Variants in RUBCNL observed in about 807,000 individuals in gnomAD.
RUBCNL encodes the protein protein associated with UVRAG as autophagy enhancer.
Under a neutral mutation model 69.5 loss-of-function variants are expected in RUBCNL, and 62 were observed. That is an observed-to-expected ratio of 0.89 (90% confidence interval 0.73 to 1.10). RUBCNL has a LOEUF of 1.10. Ranked by LOEUF, RUBCNL falls within the 50% of genes least tolerant of loss-of-function variation. The probability of loss-of-function intolerance (pLI) is 0.00; values close to 1 mark genes in which losing one functional copy is unlikely to be tolerated. For synonymous variants in RUBCNL, 291 were observed against 303.6 expected (o/e 0.96, Z 0.43); for missense variants, 768 against 798.1 (o/e 0.96, Z 0.45).
chr13:46,384,504 A>G (rs1413091520), intron 1 of RUBCNL, among the ~76,000 whole-genome samples: 1 of 152,198 alleles, frequency 6.6e-6, no homozygotes, highest in Admixed American at 6.5e-5. Flanking sequence ...TACAATTTTC[A>G]TCATCTAAAA....
Position 46,340,472 on chromosome 13 carries a change from A to C in RUBCNL, c.*2913T>G, listed in dbSNP as rs2048133727. ...TGCTTCATTTTCATTTCTAATCCTT[A>C]TCTCAACTGCAGAGAGTCATATCCC... On this transcript the variant is annotated 3_prime_UTR_variant, in exon 15 of 15. Coordinates refer to ENST00000429979, the MANE Select transcript of RUBCNL (RefSeq NM_025113.5). Among the ~76,000 whole-genome samples, 1 of 152,132 alleles carries C rather than the reference A, an allele frequency of 6.6e-6. No homozygotes were observed. The highest frequency in any genetic ancestry group is 1.5e-5 in the Non-Finnish European group (1 of 68,030).
chr13:46,348,474 A>T (rs777555220), intron 12 of RUBCNL, among the ~76,000 whole-genome samples: 17 of 152,306 alleles, frequency 1.1e-4, no homozygotes, highest in South Asian at 2.1e-4. Flanking sequence ...GTCCCCACCC[A>T]AATCTCATCT....
At chr13:46,367,230 G>GGGC (rs1179405417) in intron 5 of RUBCNL, among the ~76,000 whole-genome samples, 1 of 152,122 alleles carries the variant, frequency 6.6e-6, no homozygotes, top group Non-Finnish European at 1.5e-5. Flanking sequence ...TGTTCTACAG[G>GGGC]TTACCCCACA....
intron 12 of RUBCNL, among the ~76,000 whole-genome samples, chr13:46,347,080 A>T (rs1423235515): frequency 6.6e-6 from 1 of 152,190 alleles, no homozygotes; most frequent in African/African-American, 2.4e-5. Context: ...TGATCCCATC[A>T]CCCAGGGAGA....
intron 5 of RUBCNL, among the ~76,000 whole-genome samples, chr13:46,367,687 G>A (rs1214356956): frequency 6.6e-6 from 1 of 152,056 alleles, no homozygotes; most frequent in African/African-American, 2.4e-5. Context: ...GCTGTCAACT[G>A]GTCCAAAAAT....
intron 11 of RUBCNL, among the ~76,000 whole-genome samples, chr13:46,349,726 G>A (rs1356129909): frequency 2.0e-5 from 3 of 151,822 alleles, no homozygotes. Context: ...ACCCAGGCTG[G>A]AGTGCAGTAG....
Position 46,341,511 on chromosome 13 carries a change from C to A in RUBCNL, c.*1874G>T, listed in dbSNP as rs138168009. ...CTCATTCTTCCTCAAAATAGAAAAT[C>A]AAAAGCATCACTTCCTGGCAACTGC... On this transcript the variant is annotated 3_prime_UTR_variant, in exon 15 of 15. Coordinates refer to ENST00000429979, the MANE Select transcript of RUBCNL (RefSeq NM_025113.5). Among the ~76,000 whole-genome samples, 1 of 152,290 alleles carries A rather than the reference C, an allele frequency of 6.6e-6. No individual in the cohort carries two copies. The highest frequency in any genetic ancestry group is 2.4e-5 in the African/African-American group (1 of 41,570).
Position 46,334,835 on chromosome 13 carries a change from G to C in RUBCNL, c.*8550C>G, listed in dbSNP as rs1455835934. ...AGGAAACCGGAGTCTTAAGAAATTTGAGCAACTTATCACAAATCACAGGAC... is the reference window on the plus strand; with the variant it reads ...AGGAAACCGGAGTCTTAAGAAATTTCAGCAACTTATCACAAATCACAGGAC... On this transcript the variant is annotated 3_prime_UTR_variant, in exon 15 of 15. Coordinates refer to ENST00000429979, the MANE Select transcript of RUBCNL (RefSeq NM_025113.5). 2.0e-5 allele frequency among the ~76,000 whole-genome samples: 3 copies of C among 152,154 alleles called. No homozygotes were observed. The highest frequency in any genetic ancestry group is 7.2e-5 in the African/African-American group (3 of 41,434).
At chr13:46,354,958 T>C in intron 10 of RUBCNL, 1 of 397,738 alleles carries the variant, frequency 2.5e-6, no homozygotes, top group Non-Finnish European at 5.1e-6. Context: ...CAGGATACAG[T>C]GGTTAACCAA....
chr13:46,376,334 C>T (rs1411280243), intron 2 of RUBCNL, among the ~76,000 whole-genome samples: 1 of 151,520 alleles, frequency 6.6e-6, no homozygotes, highest in Non-Finnish European at 1.5e-5. Context: ...ATATATATAC[C>T]TTTGTATATA....
At chr13:46,381,829 G>A (rs1052328217) in intron 1 of RUBCNL, among the ~76,000 whole-genome samples, 5 of 152,062 alleles carry the variant, frequency 3.3e-5, no homozygotes, top group African/African-American at 7.2e-5. Flanking sequence ...TGATCTGCCC[G>A]CCTCGGCCTC....
At chr13:46,382,456 G>A (rs940262736) in intron 1 of RUBCNL, among the ~76,000 whole-genome samples, 3 of 152,034 alleles carry the variant, frequency 2.0e-5, no homozygotes, top group Non-Finnish European at 4.4e-5. Context: ...AAAATCAAGG[G>A]CTGGTAAAGA....
chr13:46,335,002 A>C lies in RUBCNL; in HGVS notation c.*8383T>G, dbSNP rs2048094599. Among the ~76,000 whole-genome samples the C allele has an allele frequency of 6.6e-6, 1 of 152,070 alleles. No homozygotes were observed. Among genetic ancestry groups the C allele is most frequent in the Admixed American group, 6.6e-5 (1 of 15,264 alleles). On this transcript the variant is annotated 3_prime_UTR_variant, in exon 15 of 15. Coordinates refer to ENST00000429979, the MANE Select transcript of RUBCNL (RefSeq NM_025113.5). Reference sequence around the variant, plus strand: ...TAAAGAGGTTCCTGATGGAGGGAAGAGAGGAACAGCTCAGGAAGTGGTGCA... The same window carrying C: ...TAAAGAGGTTCCTGATGGAGGGAAGCGAGGAACAGCTCAGGAAGTGGTGCA...
At chr13:46,388,618 C>T (rs1002426833), upstream of RUBCNL, among the ~76,000 whole-genome samples, 6 of 152,124 alleles carry the variant, frequency 3.9e-5, no homozygotes, top group African/African-American at 1.4e-4. Context: ...TGACTTCTCC[C>T]GGGGAAGGAC....
At position 46,336,393 on chromosome 13, in the gene RUBCNL, T is replaced by C. The variant is rs1440849937; in HGVS notation, c.*6992A>G. ...TAGTACTGATCTCATTTATCATCTG[T>C]AATTTGTCATTAGTTTAAATGATCT... On this transcript the variant is annotated 3_prime_UTR_variant, in exon 15 of 15. Transcript: ENST00000429979. 6.6e-6 allele frequency among the ~76,000 whole-genome samples: 1 copy of C among 152,182 alleles called. No homozygotes were observed. The highest frequency in any genetic ancestry group is 2.4e-5 in the African/African-American group (1 of 41,446).
intron 7 of RUBCNL, 64 bp downstream of exon 7, chr13:46,362,474 T>A: frequency 9.2e-7 from 1 of 1,084,834 alleles, no homozygotes; most frequent in Non-Finnish European, 1.3e-6. Context: ...GAGGCCTAGG[T>A]TTCACACTGC....
intron 9 of RUBCNL, among the ~76,000 whole-genome samples, chr13:46,356,710 A>AT (rs1240006237): frequency 4.0e-5 from 6 of 151,108 alleles, no homozygotes; most frequent in East Asian, 2.0e-4. Context: ...TTTATTTTTC[A>AT]TTTTTTTTCC....
At chr13:46,349,205 G>A in intron 12 of RUBCNL, 81 bp downstream of exon 12, 1 of 1,219,298 alleles carries the variant, frequency 8.2e-7, no homozygotes, top group East Asian at 2.4e-5. Flanking sequence ...CCTGTGTAAT[G>A]GGGGAGCCAG....
At chr13:46,353,915 A>C (rs1260307175) in intron 10 of RUBCNL, among the ~76,000 whole-genome samples, 2 of 152,214 alleles carry the variant, frequency 1.3e-5, no homozygotes, top group Non-Finnish European at 2.9e-5. Flanking sequence ...TTAATTTTAA[A>C]TAGCCAGGTG....
Sources: gnomAD v4.1 joint callset for allele counts (sites outside exome capture counted in the v4.1 genomes callset) on GRCh38, gnomAD v4.1.1 for gene constraint, MANE v1.5 for transcripts, NCBI Gene and HGNC (gene_info 2026-07-23, HGNC 2026-07-21) for gene names.